GALNTL6: variants seen among roughly 807,000 people sequenced by gnomAD.
GALNTL6 encodes polypeptide N-acetylgalactosaminyltransferase like 6, also known as polypeptide N-acetylgalactosaminyltransferase-like 6.
Under a neutral mutation model 73.7 loss-of-function variants are expected in GALNTL6, and 46 were observed. That is an observed-to-expected ratio of 0.62 (90% CI 0.49 to 0.80). GALNTL6 has a LOEUF of 0.80. Among genes scored for constraint, GALNTL6 ranks in the 30% least tolerant of loss-of-function variants. GALNTL6 has a pLI of 0.00. For missense variants in GALNTL6, 604 were observed against 755.0 expected (o/e 0.80, Z 2.34); for synonymous variants, 259 against 263.7 (o/e 0.98, Z 0.17).
At chr4:172,789,056 C>T (rs542224088) in intron 5 of GALNTL6, among the ~76,000 whole-genome samples, 2 of 152,282 alleles carry the variant, frequency 1.3e-5, no homozygotes, top group East Asian at 3.9e-4. Context: ...TCCCTACACA[C>T]CAAGTGGTAG....
intron 5 of GALNTL6, among the ~76,000 whole-genome samples, chr4:172,625,703 A>C (rs1739141028): frequency 6.6e-6 from 1 of 152,058 alleles, no homozygotes; most frequent in Non-Finnish European, 1.5e-5. Flanking sequence ...TTGACTTTTT[A>C]ATAATAGCTA....
chr4:172,140,176 T>C (rs867185841), intron 2 of GALNTL6, among the ~76,000 whole-genome samples: 3 of 152,090 alleles, frequency 2.0e-5, no homozygotes, highest in Admixed American at 6.6e-5. Flanking sequence ...CATTTCTTTA[T>C]GCCCAAATAT....
At chr4:172,783,354 TATAA>T (rs978773925) in intron 5 of GALNTL6, among the ~76,000 whole-genome samples, 2 of 147,884 alleles carry the variant, frequency 1.4e-5, no homozygotes, top group African/African-American at 2.5e-5. Flanking sequence ...TTTAAAAATA[TATAA>T]ATAGTGTATT....
chr4:172,512,941 T>C (rs1466920115), intron 5 of GALNTL6, among the ~76,000 whole-genome samples: 1 of 152,174 alleles, frequency 6.6e-6, no homozygotes, highest in Non-Finnish European at 1.5e-5. Flanking sequence ...TTGGTTATCT[T>C]TTTGCAATGA....
intron 5 of GALNTL6, among the ~76,000 whole-genome samples, chr4:172,778,695 G>C (rs937562810): frequency 6.6e-6 from 1 of 152,162 alleles, no homozygotes; most frequent in African/African-American, 2.4e-5. Flanking sequence ...TAAAAATATA[G>C]AGGGAAGTCA....
intron 5 of GALNTL6, among the ~76,000 whole-genome samples, chr4:172,495,110 A>C (rs1734026899): frequency 1.3e-5 from 2 of 152,172 alleles, no homozygotes; most frequent in Non-Finnish European, 2.9e-5. Context: ...AAAGAGAGCA[A>C]TCAGAGTGGA....
At chr4:172,531,402 C>T (rs1735164427) in intron 5 of GALNTL6, among the ~76,000 whole-genome samples, 1 of 152,308 alleles carries the variant, frequency 6.6e-6, no homozygotes, top group African/African-American at 2.4e-5. Flanking sequence ...CATTTTATAT[C>T]ACTTGTCCTA....
chr4:172,767,444 C>A (rs2110849794), intron 5 of GALNTL6, among the ~76,000 whole-genome samples: 1 of 152,264 alleles, frequency 6.6e-6, no homozygotes, highest in South Asian at 2.1e-4. Context: ...AATGCCCAAG[C>A]TGTGCGACTC....
At chr4:172,823,336 C>T (rs947602962) in intron 7 of GALNTL6, among the ~76,000 whole-genome samples, 1 of 152,210 alleles carries the variant, frequency 6.6e-6, no homozygotes, top group Admixed American at 6.5e-5. Flanking sequence ...AATTCAACAA[C>T]TCTTCTTTTT....
intron 3 of GALNTL6, among the ~76,000 whole-genome samples, chr4:172,272,321 G>A (rs1738684829): frequency 6.6e-6 from 1 of 152,276 alleles, no homozygotes; most frequent in Admixed American, 6.5e-5. Flanking sequence ...TAACTGTGGA[G>A]CTATGTTCTG....
At chr4:172,844,681 G>A (rs139811395) in intron 7 of GALNTL6, among the ~76,000 whole-genome samples, 68 of 152,300 alleles carry the variant, frequency 4.5e-4, no homozygotes, top group African/African-American at 1.6e-3. Context: ...TAAATGAGAA[G>A]TTGATCTACC....
intron 7 of GALNTL6, among the ~76,000 whole-genome samples, chr4:172,844,133 G>C (rs1333547456): frequency 6.6e-6 from 1 of 152,134 alleles, no homozygotes; most frequent in African/African-American, 2.4e-5. Flanking sequence ...GAAAAGAAAT[G>C]GCTTAAATTC....
At chr4:172,246,944 A>T (rs1029548572) in intron 3 of GALNTL6, among the ~76,000 whole-genome samples, 2 of 151,724 alleles carry the variant, frequency 1.3e-5, no homozygotes, top group African/African-American at 4.8e-5. Flanking sequence ...TTATCTTCTT[A>T]TTGACTTTTC....
chr4:172,385,481 T>C (rs1000151989), intron 5 of GALNTL6, among the ~76,000 whole-genome samples: 2 of 152,134 alleles, frequency 1.3e-5, no homozygotes, highest in African/African-American at 4.8e-5. Flanking sequence ...GTATTTATAC[T>C]TGTTATGTAT....
chr4:172,586,549 G>A (rs923069784), intron 5 of GALNTL6, among the ~76,000 whole-genome samples: 23 of 151,964 alleles, frequency 1.5e-4, no homozygotes, highest in Non-Finnish European at 7.4e-5. Context: ...AAAATATCCC[G>A]GGCGGTGGGG....
At chr4:172,748,088 A>G (rs1304439946) in intron 5 of GALNTL6, among the ~76,000 whole-genome samples, 1 of 152,226 alleles carries the variant, frequency 6.6e-6, no homozygotes, top group Non-Finnish European at 1.5e-5. Flanking sequence ...TTAAGCTTCA[A>G]AAGAAAGACC....
chr4:172,229,859 C>A, intron 3 of GALNTL6, 95 bp downstream of exon 3: 1 of 722,116 alleles, frequency 1.4e-6, no homozygotes, highest in Non-Finnish European at 2.4e-6. Flanking sequence ...CTTCTGCACA[C>A]TGTAAAGTAT....
At chr4:172,031,668 G>C (rs1288238363) in intron 2 of GALNTL6, among the ~76,000 whole-genome samples, 1 of 151,866 alleles carries the variant, frequency 6.6e-6, no homozygotes, top group Non-Finnish European at 1.5e-5. Context: ...TCTGCCATTC[G>C]ATAGGCAGCC....
At chr4:172,515,739 C>T (rs1001903314) in intron 5 of GALNTL6, among the ~76,000 whole-genome samples, 2 of 152,166 alleles carry the variant, frequency 1.3e-5, no homozygotes, top group Non-Finnish European at 2.9e-5. Flanking sequence ...CAGAGTTGGG[C>T]TCAGGGCAAT....
Sources: allele counts gnomAD v4.1 joint callset (sites outside exome capture counted in the v4.1 genomes callset), GRCh38; gene constraint gnomAD v4.1.1; transcripts MANE v1.5; gene names NCBI Gene and HGNC (gene_info 2026-07-23, HGNC 2026-07-21).